VPS16: variants seen among roughly 807,000 people sequenced by gnomAD.
VPS16 encodes vacuolar protein sorting-associated protein 16 homolog.
VPS16 carries 82 observed loss-of-function variants against 116.0 expected under a neutral mutation model. The observed-to-expected ratio is 0.71, with a 90% CI of 0.59 to 0.85. The LOEUF is 0.85. Ranked by LOEUF, VPS16 falls within the 40% of genes least tolerant of loss-of-function variation. VPS16 has a pLI of 0.00. For missense variants in VPS16, 928 were observed against 1,090.6 expected (o/e 0.85, Z 2.10); for synonymous variants, 406 against 420.7 (o/e 0.96, Z 0.43).
chr20:2,858,100 G>A (rs992577570), intron 1 of VPS16, among the ~76,000 whole-genome samples: 1 of 138,926 alleles, frequency 7.2e-6, no homozygotes, highest in African/African-American at 2.6e-5. Context: ...ACTACTTTGG[G>A]TTTTTTTTTT....
intron 1 of VPS16, among the ~76,000 whole-genome samples, chr20:2,857,245 G>A (rs2089180645): frequency 6.6e-6 from 1 of 152,154 alleles, no homozygotes; most frequent in Non-Finnish European, 1.5e-5. Context: ...CGAAAGTGCT[G>A]GGATTATAGG....
Position 2,863,250 on chromosome 20 carries a change from C to T in VPS16, c.1368-40C>T. 1.2e-6 allele frequency: 2 copies of T among 1,612,786 alleles called. No homozygotes were observed. The highest frequency in any genetic ancestry group is 1.7e-6 in the Non-Finnish European group (2 of 1,178,954). Reference sequence around the variant, plus strand: ...AGGCCACTCTGCTCCCTTTCTCCTCCACCTCACTCCTTGTATCCTTTACCC... The same window carrying T: ...AGGCCACTCTGCTCCCTTTCTCCTCTACCTCACTCCTTGTATCCTTTACCC... On this transcript the variant is annotated intron_variant, in intron 14 of 23. Transcript: ENST00000380445. The surrounding 1 kb of genome is among the most constrained non-coding windows in gnomAD (Gnocchi z 4.4).
rs1352506165 is a variant in VPS16, at chr20:2,842,678, A to AGATAGATACATCTAGATG, written c.53+1851_53+1852insGATAGATACATCTAGATG. Among the ~76,000 whole-genome samples, 147 of 141,918 alleles carry AGATAGATACATCTAGATG rather than the reference A, an allele frequency of 1.0e-3. 13 individuals are homozygous for AGATAGATACATCTAGATG. Among genetic ancestry groups the AGATAGATACATCTAGATG allele is most frequent in the African/African-American group, 3.4e-3 (122 of 35,912 alleles). 93.1% of individuals were successfully genotyped at this position (141,918 alleles called of 152,430 possible). On this transcript the variant is annotated intron_variant, in intron 1 of 23. Coordinates refer to ENST00000380445, the MANE Select transcript of VPS16 (RefSeq NM_022575.4). ...GATAGATATATAGATGTATCTATAT[A>AGATAGATACATCTAGATG]TATATAGATACATCTAGATGTATCT...
chr20:2,863,814 G>T lies in VPS16; in HGVS notation c.1477-135G>T. On this transcript the variant is annotated intron_variant, in intron 15 of 23. Transcript: ENST00000380445. This position sits in a 1 kb window ranked among gnomAD's most constrained non-coding sequence, Gnocchi z 4.4. The stretch of plus-strand genomic sequence containing the variant: ...GGAGGAGGAGGGAAAGAGAGAGAAA[G>T]AAGAAAGAGAGAAAGAAAGAAAGAA... 8.3e-7 allele frequency: 1 copy of T among 1,208,938 alleles called. No individual in the cohort carries two copies. Among genetic ancestry groups the T allele is most frequent in the Non-Finnish European group, 1.1e-6 (1 of 911,698 alleles). 74.9% of individuals were successfully genotyped at this position (1,208,938 alleles called of 1,614,324 possible).
chr20:2,851,779 C>G (rs2089124254), intron 1 of VPS16, among the ~76,000 whole-genome samples: 1 of 152,050 alleles, frequency 6.6e-6, no homozygotes, highest in South Asian at 2.1e-4. Flanking sequence ...ACCATCCTGG[C>G]TAACACGGTG....
chr20:2,848,896 T>C (rs75648537), intron 1 of VPS16, among the ~76,000 whole-genome samples: 3,901 of 152,264 alleles, frequency 0.026, 141 homozygotes, highest in African/African-American at 0.076. Context: ...AGACCTAATA[T>C]AATCAACTTG....
Position 2,864,427 on chromosome 20 carries a change from C to A in VPS16, c.1783C>A (p.Arg595=), listed in dbSNP as rs768290680. Reference sequence around the variant, plus strand: ...CCGAGGAGATTTTTTCATGACCCTTCGGAATCAGCCCATGGCCCTCAGTTT... The same window carrying A: ...CCGAGGAGATTTTTTCATGACCCTTAGGAATCAGCCCATGGCCCTCAGTTT... The part of the protein sequence containing the change: ...LNRGDFFMTL[R]NQPMALSLYR... Residue 595 remains arginine, a synonymous_variant, in exon 18 of 24, where the codon CGG becomes AGG. Transcript: ENST00000380445. This position sits in a 1 kb window ranked among gnomAD's most constrained non-coding sequence, Gnocchi z 5.2. 1.9e-6 allele frequency: 3 copies of A among 1,614,026 alleles called. No homozygotes were observed. Among genetic ancestry groups the A allele is most frequent in the African/African-American group, 1.3e-5 (1 of 74,910 alleles).
chr20:2,845,060 A>C (rs917843003), intron 1 of VPS16, among the ~76,000 whole-genome samples: 1 of 148,186 alleles, frequency 6.7e-6, no homozygotes. Flanking sequence ...TTCCTTTTGT[A>C]GGCAATGCTG....
intron 1 of VPS16, among the ~76,000 whole-genome samples, chr20:2,858,177 C>T (rs1218482370): frequency 6.6e-6 from 1 of 151,470 alleles, no homozygotes; most frequent in Non-Finnish European, 1.5e-5. Context: ...TCACTGCAGC[C>T]TCAACCTCCC....
At position 2,862,596 on chromosome 20, in the gene VPS16, G is replaced by T; in HGVS notation, c.1089G>T (p.Ala363=). 3 of 1,613,582 alleles carry T rather than the reference G, an allele frequency of 1.9e-6. No individual in the cohort carries two copies. The highest frequency in any genetic ancestry group is 1.3e-5 in the African/African-American group (1 of 75,034). ...QKEYEKESQK[A]DEYLREIQEL... ...CCCACCAGAAAGAGAGCCAGAAGGCGGACGAGTACCTGCGGGAGATCCAGG... is the reference window on the plus strand; with the variant it reads ...CCCACCAGAAAGAGAGCCAGAAGGCTGACGAGTACCTGCGGGAGATCCAGG... Residue 363 remains alanine, a synonymous_variant, in exon 12 of 24, where the codon GCG becomes GCT. Coordinates refer to ENST00000380445, the MANE Select transcript of VPS16 (RefSeq NM_022575.4).
chr20:2,843,373 G>A (rs73606184), intron 1 of VPS16, among the ~76,000 whole-genome samples: 43 of 151,896 alleles, frequency 2.8e-4, no homozygotes, highest in African/African-American at 9.2e-4. Flanking sequence ...CGGAGGTTGC[G>A]GTGAGCCAAG....
chr20:2,842,435 G>A (rs1390735896), intron 1 of VPS16, among the ~76,000 whole-genome samples: 1 of 151,886 alleles, frequency 6.6e-6, no homozygotes, highest in Non-Finnish European at 1.5e-5. Flanking sequence ...AACCAACATG[G>A]TCAAACCCTG....
chr20:2,849,450 G>A (rs12480676), intron 1 of VPS16, among the ~76,000 whole-genome samples: 3,898 of 152,014 alleles, frequency 0.026, 139 homozygotes, highest in African/African-American at 0.076. Flanking sequence ...ACAGGCATGC[G>A]CCACCACGCC....
intron 1 of VPS16, among the ~76,000 whole-genome samples, chr20:2,847,667 C>T (rs1034048404): frequency 4.0e-5 from 6 of 151,880 alleles, no homozygotes; most frequent in African/African-American, 1.2e-4. Context: ...TTAGTAGAGA[C>T]GAGGTTTCAC....
In VPS16 at chr20:2,842,981, C is replaced by G. The variant is rs547637825; in HGVS notation, c.53+2154C>G. On this transcript the variant is annotated intron_variant, in intron 1 of 23. Coordinates refer to ENST00000380445, the MANE Select transcript of VPS16 (RefSeq NM_022575.4). ...CTTAAATAGAAGACATTTGTTTGTG[C>G]TAATGAAACTGTATACCATTCTCAC... 3.1e-3 allele frequency among the ~76,000 whole-genome samples: 442 copies of G among 141,624 alleles called. 4 individuals are homozygous for G. The highest frequency in any genetic ancestry group is 0.011 in the African/African-American group (421 of 38,026). The allele number at this position is 141,624 out of a possible 152,430, so 92.9% of individuals were successfully genotyped here. A position where few individuals can be genotyped will look rare whatever the true frequency, so the allele number is the denominator to read the frequency against.
rs1190128218 is a variant in VPS16 at position 2,860,431 on chromosome 20, ATGGCCCC to A, written c.370-17_370-11del. On this transcript the variant is annotated splice_polypyrimidine_tract_variant and intron_variant, in intron 4 of 23. Transcript: ENST00000380445. The surrounding 1 kb of genome is among the most constrained non-coding windows in gnomAD (Gnocchi z 6.1). ...TATGACCCTGTGGCTCCCTTAACCC[ATGGCCCC>A]CTTTCCTCAGGAAGTGCTCCAGAAC... The A allele has an allele frequency of 6.2e-7, 1 of 1,614,036 alleles. No homozygotes were observed.
Position 2,864,320 on chromosome 20 carries a change from G to A in VPS16, c.1720+33G>A. ...CAAGGCTGGGGGGCCCCTGGGCTAA[G>A]TGGGAGCCTGGCTGGAATTCCCACT... is the stretch of plus-strand genomic sequence containing the variant. On this transcript the variant is annotated intron_variant, in intron 17 of 23. Transcript: ENST00000380445. The surrounding 1 kb of genome is among the most constrained non-coding windows in gnomAD (Gnocchi z 5.2). The A allele has an allele frequency of 6.2e-7, 1 of 1,614,048 alleles. No homozygotes were observed. The highest frequency in any genetic ancestry group is 8.5e-7 in the Non-Finnish European group (1 of 1,179,958).
chr20:2,841,510 A>C (rs571593398), intron 1 of VPS16, among the ~76,000 whole-genome samples: 29 of 152,194 alleles, frequency 1.9e-4, no homozygotes, highest in Non-Finnish European at 4.1e-4. Flanking sequence ...CAGAATTACA[A>C]GGCCCTAACC....
Position 2,863,372 on chromosome 20 carries a change from AT to A in VPS16, c.1451del (p.Ile484ThrfsTer70), listed in dbSNP as rs1403336580. 1 of 1,614,196 alleles carries A rather than the reference AT, an allele frequency of 6.2e-7. No individual in the cohort carries two copies. Reference sequence around the variant, plus strand: ...TCCTGAAGTACAGGGCGTCAGCAGGATCCTGGCCCACTGGGCCTGCTACAAG... The same window carrying A: ...TCCTGAAGTACAGGGCGTCAGCAGGACCTGGCCCACTGGGCCTGCTACAAG... The part of the protein sequence containing the change: ...RLPEVQGVSR[I>X]LAHWACYKVQ... On this transcript the variant is annotated frameshift_variant, in exon 15 of 24. Coordinates refer to ENST00000380445, the MANE Select transcript of VPS16 (RefSeq NM_022575.4). LOFTEE classifies it high-confidence loss of function. This position sits in a 1 kb window ranked among gnomAD's most constrained non-coding sequence, Gnocchi z 4.4.
Sources: allele counts gnomAD v4.1 joint callset (sites outside exome capture counted in the v4.1 genomes callset), GRCh38; gene constraint gnomAD v4.1.1; non-coding constraint Gnocchi (gnomAD v3.1); transcripts MANE v1.5; gene names NCBI Gene and HGNC (gene_info 2026-07-23, HGNC 2026-07-21).